The following GRIP2 variants were observed in gnomAD, a reference collection of about 807,000 sequenced individuals.
The protein encoded by GRIP2 is glutamate receptor-interacting protein 2.
Under a neutral mutation model 108.3 loss-of-function variants are expected in GRIP2, and 58 were observed. That is an observed-to-expected ratio of 0.54 (90% CI 0.43 to 0.67). The LOEUF (loss-of-function observed/expected upper bound fraction) is 0.67. Ranked by LOEUF, GRIP2 falls within the 30% of genes least tolerant of loss-of-function variation. The pLI, the probability that GRIP2 is intolerant of heterozygous loss-of-function variation, is 0.00. For synonymous variants in GRIP2, 586 were observed against 598.2 expected, an observed-to-expected ratio of 0.98 and a Z score of 0.30; for missense variants, 1,278 against 1,430.6, an observed-to-expected ratio of 0.89 and a Z score of 1.72.
At chr3:14,591,004 C>T in the GRIP2 span, among the ~76,000 whole-genome samples, 4 of 152,218 alleles carry the variant, frequency 2.6e-5, no homozygotes, top group African/African-American at 9.7e-5. Flanking sequence ...CTGCCCTCCA[C>T]AATCTGGCCC....
chr3:14,493,756 A>T lies in GRIP2; in HGVS notation c.3041T>A (p.Val1014Asp). Residue 1014 changes from valine (V) to aspartate (D), a missense_variant, in exon 24 of 24, where the codon GTC (valine) becomes GAC (aspartate). Val to Asp is a radical substitution (Grantham distance 152). Coordinates refer to ENST00000621039, the MANE Select transcript of GRIP2 (RefSeq NM_001080423.4). The stretch of plus-strand genomic sequence containing the variant: ...CTTGCGGCTGATGATCAGCTCCAAG[A>T]CATCACCCGCCTCGGCCAGGAGTGG... ...AVPLLAEAGDVLELIISRKPH... is the reference protein window; with the variant it reads ...AVPLLAEAGDDLELIISRKPH... 1 of 1,612,066 alleles carries T rather than the reference A, an allele frequency of 6.2e-7. No individual in the cohort carries two copies. Among genetic ancestry groups the T allele is most frequent in the Non-Finnish European group, 8.5e-7 (1 of 1,179,396 alleles).
At chr3:14,536,072 G>A (rs552771666) in intron 1 of GRIP2, among the ~76,000 whole-genome samples, 3 of 152,194 alleles carry the variant, frequency 2.0e-5, no homozygotes, top group African/African-American at 7.2e-5. Flanking sequence ...GCAGAAGCAC[G>A]TTTTTCAGGG....
chr3:14,544,792 C>G (rs1251672237), upstream of GRIP2, among the ~76,000 whole-genome samples: 7 of 152,174 alleles, frequency 4.6e-5, no homozygotes, highest in African/African-American at 1.7e-4. Context: ...ATTATCGTAC[C>G]CATTTTATAG....
At chr3:14,568,659 G>A in the GRIP2 span, among the ~76,000 whole-genome samples, 1 of 152,242 alleles carries the variant, frequency 6.6e-6, no homozygotes, top group African/African-American at 2.4e-5. Context: ...ATCAGCTACA[G>A]AGCAAAACTG....
At chr3:14,555,075 T>C (rs1695213354) in intron 1 of GRIP2, among the ~76,000 whole-genome samples, 1 of 151,616 alleles carries the variant, frequency 6.6e-6, no homozygotes, top group Non-Finnish European at 1.5e-5. Flanking sequence ...TAACTCCAGC[T>C]CCTCCCCACC....
chr3:14,588,600 C>T, the GRIP2 span, among the ~76,000 whole-genome samples: 1 of 152,188 alleles, frequency 6.6e-6, no homozygotes, highest in African/African-American at 2.4e-5. Context: ...AGGACTCCCG[C>T]CGGCCCAGAG....
At chr3:14,515,443 T>A (rs761579443) in intron 11 of GRIP2, among the ~76,000 whole-genome samples, 15 of 152,152 alleles carry the variant, frequency 9.9e-5, no homozygotes, top group Non-Finnish European at 2.2e-4. Flanking sequence ...TGTTTTACAT[T>A]CCATATATGA....
At chr3:14,506,225 G>C (rs536061312) in intron 19 of GRIP2, among the ~76,000 whole-genome samples, 2 of 152,150 alleles carry the variant, frequency 1.3e-5, no homozygotes, top group African/African-American at 4.8e-5. Flanking sequence ...TAGAGGCCTC[G>C]CCCCCCCTAC....
the GRIP2 span, among the ~76,000 whole-genome samples, chr3:14,591,413 G>T: frequency 6.6e-6 from 1 of 152,148 alleles, no homozygotes; most frequent in Non-Finnish European, 1.5e-5. Context: ...CCACTTCCCA[G>T]CAGCGCATCT....
At chr3:14,589,134 A>C in the GRIP2 span, among the ~76,000 whole-genome samples, 1 of 151,564 alleles carries the variant, frequency 6.6e-6, no homozygotes, top group African/African-American at 2.4e-5. Context: ...GGAGCCATGC[A>C]ACACCAGGCA....
chr3:14,556,159 C>G (rs968856048), upstream of GRIP2: 20 of 394,696 alleles, frequency 5.1e-5, no homozygotes, highest in Non-Finnish European at 8.9e-5. Context: ...GGCCCTTCCT[C>G]CAAAGCAGCC....
At position 14,494,954 on chromosome 3, in the gene GRIP2, A is replaced by C. The variant is rs762814927; in HGVS notation, c.2859T>G (p.Phe953Leu). 2 of 1,613,814 alleles carry C rather than the reference A, an allele frequency of 1.2e-6. No homozygotes were observed. The highest frequency in any genetic ancestry group is 2.7e-5 in the African/African-American group (2 of 74,920). The change falls in exon 23 of 24, where the codon TTT becomes TTG. Residue 953 changes from phenylalanine (F) to leucine (L), a missense_variant. Transcript: ENST00000621039. ...TLHKDPMRHD[F>L]GFSVSDGLLE... Reference sequence around the variant, plus strand: ...GGAGGCCATCTGAGACGCTGAAACCAAAGTCATGCCGCATGGGGTCCTTGT... The same window carrying C: ...GGAGGCCATCTGAGACGCTGAAACCCAAGTCATGCCGCATGGGGTCCTTGT...
In GRIP2 at chr3:14,514,459, C is replaced by G; in HGVS notation, c.1326G>C (p.Thr442=). The change falls in exon 12 of 24, where the codon ACG becomes ACC. Residue 442 remains threonine (T), a synonymous_variant. Coordinates refer to ENST00000621039, the MANE Select transcript of GRIP2 (RefSeq NM_001080423.4). Reference sequence around the variant, plus strand: ...GCACAATCTGCCCGCCCGGCCCCACCGTGCTGGAGGCTAGCGACACTGTAG... The same window carrying G: ...GCACAATCTGCCCGCCCGGCCCCACGGTGCTGGAGGCTAGCGACACTGTAG... ...HKSSLSLASS[T]VGPGGQIVHT... is the part of the protein sequence containing the mutation. The G allele has an allele frequency of 6.3e-7, 1 of 1,575,598 alleles. No individual in the cohort carries two copies. Among genetic ancestry groups the G allele is most frequent in the South Asian group, 1.2e-5 (1 of 85,762 alleles).
Position 14,525,836 on chromosome 3 carries a change from G to A in GRIP2, c.121+15C>T, listed in dbSNP as rs372133824. Reference sequence around the variant, plus strand: ...TCCAGGGCAGAAAAAGAGGGAATGAGGGAAGCCTCATTACCTGGAATGCTC... The same window carrying A: ...TCCAGGGCAGAAAAAGAGGGAATGAAGGAAGCCTCATTACCTGGAATGCTC... On this transcript the variant is annotated intron_variant, in intron 2 of 23. Transcript: ENST00000621039. 2 of 1,554,292 alleles carry A rather than the reference G, an allele frequency of 1.3e-6. No individual in the cohort carries two copies. The highest frequency in any genetic ancestry group is 1.7e-6 in the Non-Finnish European group (2 of 1,148,744).
chr3:14,535,693 G>A (rs1694817696), intron 1 of GRIP2, among the ~76,000 whole-genome samples: 2 of 152,230 alleles, frequency 1.3e-5, no homozygotes, highest in African/African-American at 2.4e-5. Flanking sequence ...GAGAGGTCAA[G>A]GGAACTGCCC....
At chr3:14,513,636 TGAG>T in intron 13 of GRIP2, 26 bp downstream of exon 13, 1 of 1,586,644 alleles carries the variant, frequency 6.3e-7, no homozygotes, top group Non-Finnish European at 8.6e-7. Context: ...CCCTGAAATA[TGAG>T]GAGGAAGCTT....
At position 14,523,682 on chromosome 3, in the gene GRIP2, G is replaced by A; in HGVS notation, c.420C>T (p.Pro140=). The change falls in exon 5 of 24, where the codon CCC becomes CCT. Residue 140 remains proline, a synonymous_variant. Coordinates refer to ENST00000621039, the MANE Select transcript of GRIP2 (RefSeq NM_001080423.4). ...CGTCCACTGTCTTTGAAATGATCCT[G>A]GGGTTATTCTCAGGAGCTGGGGAGA... ...ELPPPAPENN[P]RIISKTVDVS... The A allele has an allele frequency of 6.2e-7, 1 of 1,611,226 alleles. No individual in the cohort carries two copies. The highest frequency in any genetic ancestry group is 2.2e-5 in the East Asian group (1 of 44,840).
At chr3:14,558,697 G>C (rs1004568539), upstream of GRIP2, among the ~76,000 whole-genome samples, 1 of 152,072 alleles carries the variant, frequency 6.6e-6, no homozygotes, top group African/African-American at 2.4e-5. Flanking sequence ...GACCTGCATA[G>C]GGAGGTGGAT....
intron 20 of GRIP2, 166 bp from the exon 21 acceptor site, chr3:14,503,837 G>A: frequency 1.7e-6 from 1 of 602,780 alleles, no homozygotes; most frequent in Non-Finnish European, 2.9e-6. Flanking sequence ...GGGGCCCCGG[G>A]GCAGTGGTTG....
Sources: allele counts gnomAD v4.1 joint callset (sites outside exome capture counted in the v4.1 genomes callset), GRCh38; gene constraint gnomAD v4.1.1; transcripts MANE v1.5; gene names NCBI Gene and HGNC (gene_info 2026-07-23, HGNC 2026-07-21).